Variants in PTGER4 observed in about 807,000 individuals in gnomAD.
PTGER4 encodes prostaglandin E2 receptor EP4 subtype.
Under a neutral mutation model 33.2 loss-of-function variants are expected in PTGER4, and 11 were observed. The ratio of observed to expected loss-of-function variants is 0.33; its 90% CI spans 0.21 to 0.55. The LOEUF (loss-of-function observed/expected upper bound fraction) is 0.55. Among genes scored for constraint, PTGER4 ranks in the 20% least tolerant of loss-of-function variants. The probability of loss-of-function intolerance (pLI) is 0.92; values close to 1 mark genes in which losing one functional copy is unlikely to be tolerated. For synonymous variants in PTGER4, 275 were observed against 281.5 expected (o/e 0.98, Z 0.23); for missense variants, 481 against 650.2 (o/e 0.74, Z 2.83).
At chr5:40,745,090 T>A in the PTGER4 span, among the ~76,000 whole-genome samples, 1 of 152,144 alleles carries the variant, frequency 6.6e-6, no homozygotes, top group Admixed American at 6.5e-5. Flanking sequence ...ACTCTTCCAA[T>A]AGTCAGTGTC....
downstream of PTGER4, among the ~76,000 whole-genome samples, chr5:40,695,416 G>A (rs1415423398): frequency 8.6e-5 from 11 of 128,186 alleles, no homozygotes; most frequent in East Asian, 1.5e-3. Flanking sequence ...GGTGGCGGGT[G>A]CCTGTAGTCC....
the PTGER4 span, chr5:40,728,336 C>T: frequency 1.4e-5 from 19 of 1,401,700 alleles, no homozygotes; most frequent in Non-Finnish European, 1.8e-5. Flanking sequence ...AATAATCTGA[C>T]TTCCTCACCA....
chr5:40,692,196 A>G lies in PTGER4; in HGVS notation c.1285A>G (p.Thr429Ala). 11 of 1,614,138 alleles carry G rather than the reference A, an allele frequency of 6.8e-6. No homozygotes were observed. Among genetic ancestry groups the G allele is most frequent in the Non-Finnish European group, 9.3e-6 (11 of 1,180,010 alleles). Residue 429 changes from threonine to alanine, a missense_variant, in exon 3 of 3, where the codon ACC (threonine) becomes GCC (alanine). Around this residue, in one of 7 missense-constraint regions of PTGER4, gnomAD observed 172 missense variants for 199.2 expected, o/e 0.86. Coordinates refer to ENST00000302472, the MANE Select transcript of PTGER4 (RefSeq NM_000958.3). Reference sequence around the variant, plus strand: ...CATGGGCCTGGCCCAGGAAGACACCACCTCACTGAGGACTTTGCGAATATC... The same window carrying G: ...CATGGGCCTGGCCCAGGAAGACACCGCCTCACTGAGGACTTTGCGAATATC... ...PGMGLAQEDT[T>A]SLRTLRISET...
rs1166391158 is a variant in PTGER4 at position 40,692,702 on chromosome 5, C to T, written c.*324C>T. ...GCTGTCATAACATCCAGAGCTTTGT[C>T]GTATTTGGCACACAGCAGAGGCCCA... On this transcript the variant is annotated 3_prime_UTR_variant, in exon 3 of 3. Coordinates refer to ENST00000302472, the MANE Select transcript of PTGER4 (RefSeq NM_000958.3). The T allele has an allele frequency of 2.3e-5, 24 of 1,059,246 alleles. No individual in the cohort carries two copies. The highest frequency in any genetic ancestry group is 3.4e-5 in the African/African-American group (2 of 59,664). 65.6% of individuals were successfully genotyped at this position (1,059,246 alleles called of 1,614,324 possible).
chr5:40,707,075 A>T, the PTGER4 span, among the ~76,000 whole-genome samples: 1 of 152,224 alleles, frequency 6.6e-6, no homozygotes, highest in Non-Finnish European at 1.5e-5. Context: ...CTGCAAAAAC[A>T]TGCCAAATTG....
chr5:40,738,816 T>C, the PTGER4 span, among the ~76,000 whole-genome samples: 3 of 152,172 alleles, frequency 2.0e-5, no homozygotes, highest in African/African-American at 7.2e-5. Context: ...GAGCAGCTTT[T>C]TTTATGCTTC....
the PTGER4 span, chr5:40,715,112 T>C: frequency 1.3e-5 from 2 of 152,086 alleles, no homozygotes; most frequent in Admixed American, 1.3e-4. Flanking sequence ...AGTTATTTAT[T>C]CATTGGCACT....
At chr5:40,741,681 C>T in the PTGER4 span, among the ~76,000 whole-genome samples, 1 of 152,146 alleles carries the variant, frequency 6.6e-6, no homozygotes, top group African/African-American at 2.4e-5. Context: ...CTGGAGACTA[C>T]CTTCAGGTAG....
At chr5:40,729,878 T>C in the PTGER4 span, among the ~76,000 whole-genome samples, 4 of 152,116 alleles carry the variant, frequency 2.6e-5, no homozygotes, top group Admixed American at 2.0e-4. Flanking sequence ...TTTGTATTTT[T>C]AGTAGAGGCA....
In PTGER4 at chr5:40,680,448, C is replaced by G. The variant is rs985160583; in HGVS notation, c.-74C>G. 6.4e-6 allele frequency: 1 copy of G among 156,148 alleles called. No homozygotes were observed. Among genetic ancestry groups the G allele is most frequent in the Non-Finnish European group, 1.4e-5 (1 of 70,578 alleles). 9.7% of individuals were successfully genotyped at this position (156,148 alleles called of 1,614,324 possible). A position where few individuals can be genotyped will look rare whatever the true frequency, so the allele number is the denominator to read the frequency against. ...CATCTGAGGGCTGACCCTGGGGGCT[C>G]GTGAGGCTGCCACCGCTGCTGCCGC... On this transcript the variant is annotated 5_prime_UTR_variant, in exon 1 of 3. Coordinates refer to ENST00000302472, the MANE Select transcript of PTGER4 (RefSeq NM_000958.3). The surrounding 1 kb of genome is among the most constrained non-coding windows in gnomAD (Gnocchi z 5.5).
chr5:40,704,492 A>G, the PTGER4 span, among the ~76,000 whole-genome samples: 2 of 152,222 alleles, frequency 1.3e-5, no homozygotes, highest in East Asian at 3.8e-4. Context: ...CAGAGCAATC[A>G]GGCAATAAAA....
chr5:40,720,044 G>A, the PTGER4 span, among the ~76,000 whole-genome samples: 1 of 152,082 alleles, frequency 6.6e-6, no homozygotes, highest in Non-Finnish European at 1.5e-5. Flanking sequence ...TTAATTTGAA[G>A]TCCAATTTTT....
Position 40,690,022 on chromosome 5 carries a change from CA to C in PTGER4, c.868-1748del, listed in dbSNP as rs45511800. Among the ~76,000 whole-genome samples the C allele has an allele frequency of 4.2e-3, 631 of 149,500 alleles. 3 individuals are homozygous for C. Among genetic ancestry groups the C allele is most frequent in the African/African-American group, 0.015 (604 of 40,712 alleles). On this transcript the variant is annotated intron_variant, in intron 2 of 2. Transcript: ENST00000302472. ...AGTGGAATTAGAAGTAATATCTAGG[CA>C]AAAAAAAATCATAATACTTTAAGAG...
chr5:40,687,583 G>C (rs889655266), intron 2 of PTGER4, among the ~76,000 whole-genome samples: 7 of 152,126 alleles, frequency 4.6e-5, no homozygotes, highest in African/African-American at 1.4e-4. Context: ...GTGAAGCAGA[G>C]GTTGCTCTAT....
downstream of PTGER4, among the ~76,000 whole-genome samples, chr5:40,697,118 AAAG>A (rs1445271491): frequency 7.9e-3 from 597 of 75,892 alleles, 20 homozygotes; most frequent in African/African-American, 0.03. Context: ...AGGAAAGAAA[AAAG>A]AAAGAAAGGA....
the PTGER4 span, among the ~76,000 whole-genome samples, chr5:40,718,433 C>T: frequency 6.6e-6 from 1 of 151,066 alleles, no homozygotes; most frequent in Non-Finnish European, 1.5e-5. Context: ...AAAAAATACA[C>T]AGAGATAGGT....
chr5:40,738,912 T>C, the PTGER4 span, among the ~76,000 whole-genome samples: 7 of 152,314 alleles, frequency 4.6e-5, no homozygotes, highest in Non-Finnish European at 1.0e-4. Context: ...TTCTTCCTAC[T>C]GAGTTGTAAG....
the PTGER4 span, among the ~76,000 whole-genome samples, chr5:40,718,874 C>G: frequency 6.6e-6 from 1 of 151,988 alleles, no homozygotes; most frequent in Non-Finnish European, 1.5e-5. Context: ...GCACTCCAGC[C>G]TGAGCAACAG....
the PTGER4 span, among the ~76,000 whole-genome samples, chr5:40,730,742 A>C: frequency 6.6e-6 from 1 of 152,210 alleles, no homozygotes. Context: ...AAGGATTAGC[A>C]AATTAAGTCC....
Sources: gnomAD v4.1 joint callset for allele counts (sites outside exome capture counted in the v4.1 genomes callset) on GRCh38, gnomAD v4.1.1 for gene constraint, gnomAD v4.1.1 regional missense constraint, Gnocchi (gnomAD v3.1) non-coding constraint, MANE v1.5 for transcripts, NCBI Gene and HGNC (gene_info 2026-07-23, HGNC 2026-07-21) for gene names.